The following FGF13 variants were observed in gnomAD, a reference collection of about 807,000 sequenced individuals.
FGF13 encodes the protein fibroblast growth factor homologous factor 2.
A neutral mutation model predicts 19.5 loss-of-function variants in FGF13; 2 were observed. The observed-to-expected ratio is 0.10, with a 90% CI of 0.04 to 0.32. The LOEUF is 0.32. Ranked by LOEUF, FGF13 falls within the 10% of genes least tolerant of loss-of-function variation. FGF13 has a pLI of 1.00. For synonymous variants in FGF13, 72 were observed against 76.9 expected (o/e 0.94, Z 0.33); for missense variants, 113 against 192.7 (o/e 0.59, Z 2.45).
chrX:138,669,479 T>C (rs1487178705), intron 3 of FGF13, among the ~76,000 whole-genome samples: 2 of 111,547 alleles, frequency 1.8e-5, no homozygotes, highest in African/African-American at 3.3e-5. Context: ...ATAACCCCTG[T>C]GCCTGATGCT....
intron 3 of FGF13, among the ~76,000 whole-genome samples, chrX:138,817,362 T>C (rs2090968583): frequency 8.9e-6 from 1 of 111,826 alleles, no homozygotes; most frequent in Non-Finnish European, 1.9e-5. Flanking sequence ...GTCCTCAGCA[T>C]GAACCAGATA....
intron 1 of FGF13, among the ~76,000 whole-genome samples, chrX:139,054,623 A>G (rs1044000741): frequency 3.6e-5 from 4 of 111,782 alleles, no homozygotes; most frequent in African/African-American, 1.3e-4. Flanking sequence ...TGATGGTGGT[A>G]TTTTAATGGG....
chrX:138,884,862 C>CA lies in FGF13; in HGVS notation c.-112-20213dup, dbSNP rs961178315. Among the ~76,000 whole-genome samples, 4 of 111,559 alleles carry CA rather than the reference C, an allele frequency of 3.6e-5. No homozygotes were observed. The Admixed American group carries it at 3.8e-4, about 11-fold the overall frequency. Reference sequence around the variant, plus strand: ...AAAAATGAATCAATCGCTGCAACACCATGCCATTGAGACCCTAGTTAAAAT... The same window carrying CA: ...AAAAATGAATCAATCGCTGCAACACCAATGCCATTGAGACCCTAGTTAAAAT... On this transcript the variant is annotated intron_variant, in intron 1 of 2. Coordinates refer to the FGF13 transcript ENST00000421460.
chrX:138,984,049 A>C (rs1344840183), intron 1 of FGF13, among the ~76,000 whole-genome samples: 5 of 111,864 alleles, frequency 4.5e-5, no homozygotes, highest in African/African-American at 1.6e-4. Flanking sequence ...GTGAGCAATA[A>C]AGACCAGTGC....
intron 3 of FGF13, among the ~76,000 whole-genome samples, chrX:138,650,257 GA>G (rs2089354557): frequency 8.9e-6 from 1 of 112,063 alleles, no homozygotes; most frequent in South Asian, 3.6e-4. Context: ...ATTCCAAAAG[GA>G]TTCATTTGGT....
intron 1 of FGF13, among the ~76,000 whole-genome samples, chrX:138,964,836 G>T (rs2091888498): frequency 9.0e-6 from 1 of 110,847 alleles, no homozygotes; most frequent in African/African-American, 3.3e-5. Flanking sequence ...GGGGCTGGGG[G>T]GTACCACAAA....
At chrX:139,160,706 T>C (rs1305294925) in intron 1 of FGF13, among the ~76,000 whole-genome samples, 1 of 112,076 alleles carries the variant, frequency 8.9e-6, no homozygotes, top group African/African-American at 3.2e-5. Context: ...CATCAGAGAA[T>C]ACTATAAACA....
intron 1 of FGF13, among the ~76,000 whole-genome samples, chrX:139,030,836 T>C (rs971908762): frequency 8.0e-5 from 9 of 112,256 alleles, no homozygotes; most frequent in Non-Finnish European, 1.5e-4. Flanking sequence ...TACAAAGTTG[T>C]GCATTGTCAC....
In FGF13 at chrX:138,921,971, C is replaced by CAAAAA. The variant is rs35464038; in HGVS notation, c.-112-57326_-112-57322dup. On this transcript the variant is annotated intron_variant, in intron 1 of 2. Coordinates refer to the FGF13 transcript ENST00000421460. Reference sequence around the variant, plus strand: ...CTAATCATGTTCTCCTTATGGAACTCAAAAAAAAAAAAAAAAACAACAAAA... The same window carrying CAAAAA: ...CTAATCATGTTCTCCTTATGGAACTCAAAAAAAAAAAAAAAAAAAAAACAACAAAA... Among the ~76,000 whole-genome samples, 21 of 67,488 alleles carry CAAAAA rather than the reference C, an allele frequency of 3.1e-4. 1 individual carries two copies. Among genetic ancestry groups the CAAAAA allele is most frequent in the South Asian group, 1.2e-3 (1 of 805 alleles). 58.6% of individuals were successfully genotyped at this position (67,488 alleles called of 115,157 possible). A position where few individuals can be genotyped will look rare whatever the true frequency, so the allele number is the denominator to read the frequency against.
chrX:138,878,650 C>A (rs1233982786), intron 1 of FGF13, among the ~76,000 whole-genome samples: 12 of 108,292 alleles, frequency 1.1e-4, no homozygotes, highest in Admixed American at 2.9e-4. Context: ...GATTTATAAT[C>A]CTTTGGGTAT....
intron 3 of FGF13, among the ~76,000 whole-genome samples, chrX:138,800,202 T>C (rs1306627385): frequency 8.9e-6 from 1 of 111,992 alleles, no homozygotes. Context: ...GTTTTTGCAG[T>C]GGCTGGTACC....
chrX:139,071,521 CCTT>C (rs1220774398), intron 1 of FGF13, among the ~76,000 whole-genome samples: 3 of 111,795 alleles, frequency 2.7e-5, no homozygotes, highest in African/African-American at 9.8e-5. Flanking sequence ...CTTATTTCAA[CCTT>C]CTTAAAGTAA....
chrX:139,158,268 A>G (rs1350294834), intron 1 of FGF13, among the ~76,000 whole-genome samples: 1 of 106,753 alleles, frequency 9.4e-6, no homozygotes, highest in Non-Finnish European at 1.9e-5. Flanking sequence ...AAAACCGTTC[A>G]CTCCCCTGGA....
intron 3 of FGF13, among the ~76,000 whole-genome samples, chrX:138,829,495 G>C (rs1268213620): frequency 9.0e-6 from 1 of 111,459 alleles, no homozygotes; most frequent in Non-Finnish European, 1.9e-5. Flanking sequence ...ACCTTCACCA[G>C]ATGTAGATAC....
chrX:138,739,169 T>C (rs1435985550), intron 1 of FGF13: 1 of 649,928 alleles, frequency 1.5e-6, no homozygotes, highest in Non-Finnish European at 2.5e-6. Flanking sequence ...TGTTAATTTC[T>C]ACAAAGGCAT....
At chrX:138,680,091 T>C (rs774845906) in intron 3 of FGF13, among the ~76,000 whole-genome samples, 2 of 112,139 alleles carry the variant, frequency 1.8e-5, no homozygotes, top group Non-Finnish European at 3.8e-5. Flanking sequence ...TCTTCATCCA[T>C]TTTGTCATGA....
chrX:138,771,131 A>G (rs772200553), intron 3 of FGF13, among the ~76,000 whole-genome samples: 1 of 111,507 alleles, frequency 9.0e-6, no homozygotes, highest in South Asian at 3.8e-4. Flanking sequence ...AACTAAAGAA[A>G]AATTTCTATG....
chrX:138,711,437 G>A lies in FGF13; in HGVS notation c.-434C>T, dbSNP rs1169683494. ...CAGAGGAGGGAGGCGGGCGGAGGGAGTGAGCGCGGGCGGGAGAGAGGCCGG... is the reference window on the plus strand; with the variant it reads ...CAGAGGAGGGAGGCGGGCGGAGGGAATGAGCGCGGGCGGGAGAGAGGCCGG... On this transcript the variant is annotated 5_prime_UTR_variant, in exon 1 of 5. Transcript: ENST00000315930. 1 of 687,690 alleles carries A rather than the reference G, an allele frequency of 1.5e-6. No homozygotes were observed. Among genetic ancestry groups the A allele is most frequent in the Non-Finnish European group, 1.7e-6 (1 of 577,384 alleles). The allele number at this position is 687,690 out of a possible 1,213,427, so 56.7% of individuals were successfully genotyped here.
chrX:138,767,354 C>A (rs1398267624), intron 3 of FGF13, among the ~76,000 whole-genome samples: 1 of 111,915 alleles, frequency 8.9e-6, no homozygotes, highest in East Asian at 2.8e-4. Flanking sequence ...TTCAATGATG[C>A]ATCTGAAATT....
Sources: allele counts gnomAD v4.1 joint callset (sites outside exome capture counted in the v4.1 genomes callset), GRCh38; gene constraint gnomAD v4.1.1; transcripts MANE v1.5; gene names NCBI Gene and HGNC (gene_info 2026-07-23, HGNC 2026-07-21).